SLC39A8: variants seen among roughly 807,000 people sequenced by gnomAD.
SLC39A8 encodes the protein solute carrier family 39 member 8.
Under a neutral mutation model 40.4 loss-of-function variants are expected in SLC39A8, and 15 were observed. That is an observed-to-expected ratio of 0.37 (90% confidence interval 0.25 to 0.57). SLC39A8 has a LOEUF of 0.57. SLC39A8 is among the 20% of genes least tolerant of loss of function. SLC39A8 has a pLI of 0.75. For synonymous variants in SLC39A8, 223 were observed against 221.6 expected (o/e 1.01, Z -0.06); for missense variants, 472 against 558.8 (o/e 0.84, Z 1.57).
At chr4:102,276,774 A>G (rs1305375048) in intron 6 of SLC39A8, among the ~76,000 whole-genome samples, 3 of 152,208 alleles carry the variant, frequency 2.0e-5, no homozygotes, top group Admixed American at 6.5e-5. Context: ...GTAGCACATT[A>G]AAAAGCTTAT....
chr4:102,261,528 A>G (rs1372396875), downstream of SLC39A8: 1 of 248,126 alleles, frequency 4.0e-6, no homozygotes, highest in African/African-American at 2.3e-5. Context: ...AGCAACTGGT[A>G]TAGAAATAAG....
chr4:102,295,043 T>C (rs961419375), intron 6 of SLC39A8, among the ~76,000 whole-genome samples: 2 of 150,912 alleles, frequency 1.3e-5, no homozygotes, highest in Non-Finnish European at 3.0e-5. Context: ...TCAGCAAAAT[T>C]AAATGTGTGC....
chr4:102,329,809 A>T (rs1735370908), intron 2 of SLC39A8, among the ~76,000 whole-genome samples: 1 of 152,142 alleles, frequency 6.6e-6, no homozygotes, highest in Non-Finnish European at 1.5e-5. Context: ...ATGCAAAAGA[A>T]TGGTAATCAT....
chr4:102,263,837 CTGTT>C (rs1393003412), intron 8 of SLC39A8, among the ~76,000 whole-genome samples: 1 of 152,184 alleles, frequency 6.6e-6, no homozygotes, highest in African/African-American at 2.4e-5. Flanking sequence ...CAAGAAATCA[CTGTT>C]TGTTCCTCCG....
chr4:102,299,492 A>G (rs1240623654), intron 6 of SLC39A8, among the ~76,000 whole-genome samples: 1 of 151,996 alleles, frequency 6.6e-6, no homozygotes. Context: ...GAATAATGCC[A>G]AGTATATGTT....
intron 2 of SLC39A8, among the ~76,000 whole-genome samples, chr4:102,328,883 C>T (rs1054819862): frequency 6.6e-6 from 1 of 152,068 alleles, no homozygotes; most frequent in Non-Finnish European, 1.5e-5. Context: ...AAAAAATTAG[C>T]TGGGCTTGGT....
chr4:102,277,482 A>G (rs1578567412), intron 6 of SLC39A8, among the ~76,000 whole-genome samples: 1 of 152,358 alleles, frequency 6.6e-6, no homozygotes, highest in East Asian at 1.9e-4. Context: ...GCTCAACAAA[A>G]TAAGAGAGGA....
At chr4:102,327,789 G>C (rs546062612) in intron 2 of SLC39A8, among the ~76,000 whole-genome samples, 18 of 152,260 alleles carry the variant, frequency 1.2e-4, no homozygotes, top group South Asian at 4.2e-4. Context: ...TGAATGAAAG[G>C]AGATTTCAAA....
At chr4:102,301,131 A>G (rs971056159) in intron 6 of SLC39A8, among the ~76,000 whole-genome samples, 3 of 151,936 alleles carry the variant, frequency 2.0e-5, no homozygotes, top group Non-Finnish European at 4.4e-5. Flanking sequence ...GTGTATTTCC[A>G]GAATCTTAGT....
chr4:102,312,668 A>G (rs1734483036), intron 3 of SLC39A8, among the ~76,000 whole-genome samples: 1 of 152,152 alleles, frequency 6.6e-6, no homozygotes, highest in Non-Finnish European at 1.5e-5. Context: ...TGCACGTTAG[A>G]TGTAGTTATT....
At chr4:102,274,814 A>C (rs1732541592) in intron 6 of SLC39A8, among the ~76,000 whole-genome samples, 1 of 152,248 alleles carries the variant, frequency 6.6e-6, no homozygotes, top group Admixed American at 6.5e-5. Flanking sequence ...TCTTAAATAA[A>C]AGAATTTTCA....
chr4:102,309,906 G>A (rs915825719), intron 3 of SLC39A8, among the ~76,000 whole-genome samples: 1 of 151,990 alleles, frequency 6.6e-6, no homozygotes, highest in Non-Finnish European at 1.5e-5. Flanking sequence ...CTCATTGCCA[G>A]TGGTCTTGAA....
chr4:102,278,725 A>T (rs894179581), intron 6 of SLC39A8, among the ~76,000 whole-genome samples: 18 of 152,356 alleles, frequency 1.2e-4, no homozygotes, highest in African/African-American at 4.3e-4. Context: ...AATAGCAAAG[A>T]CTTGGAACCA....
chr4:102,265,393 G>A (rs973581551), intron 8 of SLC39A8, among the ~76,000 whole-genome samples: 2 of 152,076 alleles, frequency 1.3e-5, no homozygotes, highest in Non-Finnish European at 2.9e-5. Context: ...GGTTCATGGC[G>A]TCCCAAAACA....
intron 6 of SLC39A8, 132 bp from the exon 7 acceptor site, chr4:102,268,211 C>T: frequency 2.4e-6 from 2 of 839,116 alleles, no homozygotes; most frequent in South Asian, 1.7e-5. Flanking sequence ...AACTAGGAAA[C>T]CCTAATAATA....
At position 102,262,161 on chromosome 4, in the gene SLC39A8, T is replaced by G; in HGVS notation, c.*883A>C. On this transcript the variant is annotated 3_prime_UTR_variant, in exon 9 of 9. Transcript: ENST00000356736. ...TATTAAAATATTCTCTGCTAAATAG[T>G]TATGTTTGTCTTTAAAAGTAAATTG... 1 of 985,898 alleles carries G rather than the reference T, an allele frequency of 1.0e-6. No individual in the cohort carries two copies. Among genetic ancestry groups the G allele is most frequent in the Non-Finnish European group, 1.2e-6 (1 of 829,812 alleles). The allele number at this position is 985,898 out of a possible 1,614,324, so 61.1% of individuals were successfully genotyped here. A position where few individuals can be genotyped will look rare whatever the true frequency, so the allele number is the denominator to read the frequency against.
chr4:102,342,372 G>A (rs140388248), intron 2 of SLC39A8, among the ~76,000 whole-genome samples: 110 of 152,264 alleles, frequency 7.2e-4, no homozygotes, highest in South Asian at 1.2e-3. Flanking sequence ...GGTGGCACAC[G>A]CCTGTAATCC....
intron 2 of SLC39A8, among the ~76,000 whole-genome samples, chr4:102,340,079 G>A (rs1381893): frequency 0.65 from 98,968 of 152,024 alleles, 33,059 homozygotes; most frequent in Middle Eastern, 0.84. Flanking sequence ...CATATGTCAT[G>A]TCTCCTCCAA....
chr4:102,307,911 G>T (rs1389791596), intron 3 of SLC39A8, among the ~76,000 whole-genome samples: 2 of 151,890 alleles, frequency 1.3e-5, no homozygotes, highest in Non-Finnish European at 2.9e-5. Context: ...AACAATCTGA[G>T]ATCCACAGGC....
Sources: gnomAD v4.1 joint callset for allele counts (sites outside exome capture counted in the v4.1 genomes callset) on GRCh38, gnomAD v4.1.1 for gene constraint, MANE v1.5 for transcripts, NCBI Gene and HGNC (gene_info 2026-07-23, HGNC 2026-07-21) for gene names.